The following OXR1 variants were observed in gnomAD, a reference collection of about 807,000 sequenced individuals.
OXR1 encodes oxidation resistance 1.
In OXR1, 41 loss-of-function variants were observed where a neutral mutation model predicts 104.6. That is an observed-to-expected ratio of 0.39 (90% CI 0.31 to 0.51). The LOEUF is 0.51. OXR1 is among the 20% of genes least tolerant of loss of function. The pLI is 0.77. For missense variants in OXR1, 955 were observed against 1,031.9 expected, an observed-to-expected ratio of 0.93 and a Z score of 1.02; for synonymous variants, 348 against 348.4, an observed-to-expected ratio of 1.00 and a Z score of 0.01.
At chr8:106,299,211 G>GT (rs1283398931) in intron 1 of OXR1, among the ~76,000 whole-genome samples, 4 of 151,624 alleles carry the variant, frequency 2.6e-5, no homozygotes, top group African/African-American at 9.7e-5. Flanking sequence ...GCCTATACCT[G>GT]TAATACTACC....
At chr8:106,329,978 G>A (rs552565119) in intron 1 of OXR1, among the ~76,000 whole-genome samples, 1 of 151,190 alleles carries the variant, frequency 6.6e-6, no homozygotes, top group South Asian at 2.1e-4. Context: ...AATGAATGTT[G>A]GCTATTCTCT....
intron 6 of OXR1, 91 bp from the exon 7 acceptor site, chr8:106,692,637 G>C: frequency 1.5e-6 from 1 of 667,742 alleles, no homozygotes; most frequent in Non-Finnish European, 2.3e-6. Flanking sequence ...ACACTTATTG[G>C]GGAAAGCTAT....
At chr8:106,480,351 T>C (rs1277989633) in intron 2 of OXR1, among the ~76,000 whole-genome samples, 1 of 152,054 alleles carries the variant, frequency 6.6e-6, no homozygotes, top group Non-Finnish European at 1.5e-5. Flanking sequence ...TTTTTTCTCA[T>C]TTCAGTGTAA....
At chr8:106,491,151 C>G (rs746527140) in intron 2 of OXR1, among the ~76,000 whole-genome samples, 1 of 152,188 alleles carries the variant, frequency 6.6e-6, no homozygotes, top group Non-Finnish European at 1.5e-5. Context: ...TAGTCACAGA[C>G]TTTCTCTTGT....
At chr8:106,553,583 G>T (rs1816041279) in intron 3 of OXR1, among the ~76,000 whole-genome samples, 2 of 152,122 alleles carry the variant, frequency 1.3e-5, no homozygotes, top group Admixed American at 1.3e-4. Flanking sequence ...GTCTCCAAAA[G>T]TGCTGAGATT....
chr8:106,670,905 C>T (rs532135971), intron 3 of OXR1, among the ~76,000 whole-genome samples: 3 of 151,544 alleles, frequency 2.0e-5, no homozygotes, highest in East Asian at 1.9e-4. Flanking sequence ...AAAAATCAGG[C>T]GTGGTGGTGC....
rs1476856276 is a variant in OXR1 at position 106,706,405 on chromosome 8, G to A, written c.884G>A (p.Arg295Lys). The change falls in exon 9 of 17, where the codon AGG becomes AAG. Residue 295 changes from arginine to lysine, a missense_variant. By Grantham distance (26) the Arg-to-Lys change is conservative. Coordinates refer to ENST00000517566, the MANE Select transcript of OXR1 (RefSeq NM_001198533.2). Reference protein sequence around the residue: ...LPIDIDQLSGRDFCHSKKMTG... With the variant: ...LPIDIDQLSGKDFCHSKKMTG... ...AGAGATATAGATCAGCTATCAGGAAGGGACTTCTGCCATTCAAAGAAAATG... is the reference window on the plus strand; with the variant it reads ...AGAGATATAGATCAGCTATCAGGAAAGGACTTCTGCCATTCAAAGAAAATG... 28 of 1,577,842 alleles carry A rather than the reference G, an allele frequency of 1.8e-5. No homozygotes were observed. The highest frequency in any genetic ancestry group is 2.3e-5 in the Non-Finnish European group (27 of 1,169,632).
chr8:106,486,671 T>C (rs929117007), intron 2 of OXR1, among the ~76,000 whole-genome samples: 14 of 152,124 alleles, frequency 9.2e-5, no homozygotes, highest in African/African-American at 3.4e-4. Context: ...TTTATTTATA[T>C]TAAGAGTTTT....
At chr8:106,651,815 A>T (rs1450607722) in intron 3 of OXR1, among the ~76,000 whole-genome samples, 1 of 152,112 alleles carries the variant, frequency 6.6e-6, no homozygotes, top group Admixed American at 6.5e-5. Flanking sequence ...GGGAATTTTG[A>T]TAGGGAGTGT....
chr8:106,697,524 C>T (rs763876216), intron 7 of OXR1: 48 of 1,610,812 alleles, frequency 3.0e-5, no homozygotes, highest in Non-Finnish European at 3.6e-5. Flanking sequence ...GCTGGTTATC[C>T]GAGAAGTTCC....
chr8:106,745,101 A>G (rs1205335411), intron 15 of OXR1, among the ~76,000 whole-genome samples: 1 of 152,222 alleles, frequency 6.6e-6, no homozygotes, highest in Non-Finnish European at 1.5e-5. Context: ...CGAGTGCTAA[A>G]AGAAAGTTTT....
intron 1 of OXR1, among the ~76,000 whole-genome samples, chr8:106,325,495 C>T (rs951459456): frequency 3.3e-5 from 5 of 152,158 alleles, no homozygotes; most frequent in African/African-American, 1.2e-4. Flanking sequence ...CTAGATTTCT[C>T]AACTGTAGAG....
At chr8:106,622,940 T>G (rs766869555) in intron 3 of OXR1, among the ~76,000 whole-genome samples, 22 of 152,230 alleles carry the variant, frequency 1.4e-4, no homozygotes, top group Non-Finnish European at 2.9e-4. Flanking sequence ...CAGTTAACCC[T>G]GTACCCTCAA....
At chr8:106,606,518 G>T (rs974507958) in intron 3 of OXR1, among the ~76,000 whole-genome samples, 7 of 148,622 alleles carry the variant, frequency 4.7e-5, no homozygotes, top group Middle Eastern at 3.5e-3. Flanking sequence ...CACCATTTTG[G>T]TCAGGCTGGT....
chr8:106,307,399 T>C (rs1223395358), intron 1 of OXR1, among the ~76,000 whole-genome samples: 2 of 152,212 alleles, frequency 1.3e-5, no homozygotes, highest in Non-Finnish European at 2.9e-5. Flanking sequence ...TTATATTTGC[T>C]AGTCCTTTTT....
rs1296212811 is a variant in OXR1, at chr8:106,694,103, T to G, written c.675+1226T>G. Among the ~76,000 whole-genome samples, 6 of 152,198 alleles carry G rather than the reference T, an allele frequency of 3.9e-5. No individual in the cohort carries two copies. In the East Asian group the frequency reaches 1.2e-3, roughly 29 times the overall value. On this transcript the variant is annotated intron_variant, in intron 7 of 16. Coordinates refer to ENST00000517566, the MANE Select transcript of OXR1 (RefSeq NM_001198533.2). ...CTTTTACTAATTTCTAATTCGATTC[T>G]GTGTGATCAGAGAACACACTACTAT...
intron 1 of OXR1, among the ~76,000 whole-genome samples, chr8:106,271,095 G>C (rs565080552): frequency 2.0e-5 from 3 of 152,028 alleles, no homozygotes; most frequent in Admixed American, 1.3e-4. Context: ...TGGGTGAAGA[G>C]GGGGGGAGCT....
At chr8:106,559,127 T>A (rs1449484698) in intron 3 of OXR1, among the ~76,000 whole-genome samples, 2 of 152,236 alleles carry the variant, frequency 1.3e-5, no homozygotes, top group Admixed American at 1.3e-4. Flanking sequence ...ATACCCCATT[T>A]AATCACTCAG....
chr8:106,507,297 T>C (rs1392201689), intron 2 of OXR1, among the ~76,000 whole-genome samples: 3 of 152,116 alleles, frequency 2.0e-5, no homozygotes, highest in South Asian at 2.1e-4. Context: ...TTGAGTTGAG[T>C]ACTGTTATTA....
Sources: allele counts gnomAD v4.1 joint callset (sites outside exome capture counted in the v4.1 genomes callset), GRCh38; gene constraint gnomAD v4.1.1; transcripts MANE v1.5; gene names NCBI Gene and HGNC (gene_info 2026-07-23, HGNC 2026-07-21).